C5: variants seen among roughly 807,000 people sequenced by gnomAD.
C5 encodes the protein complement C5.
In C5, 140 loss-of-function variants were observed where a neutral mutation model predicts 218.8. The observed-to-expected ratio is 0.64, with a 90% confidence interval of 0.56 to 0.74. The LOEUF is 0.74. C5 is among the 30% of genes least tolerant of loss of function. C5 has a pLI of 0.00. For synonymous variants in C5, 614 were observed against 682.3 expected (o/e 0.90, Z 1.56); for missense variants, 1,700 against 1,969.6 (o/e 0.86, Z 2.59).
At position 121,021,621 on chromosome 9, in the gene C5, A is replaced by G. The variant is rs759245107; in HGVS notation, c.1190T>C (p.Val397Ala). The change falls in exon 11 of 41, where the codon GTA becomes GCA. Residue 397 changes from valine (V) to alanine (A), a missense_variant. By Grantham distance (64) the Val-to-Ala change is moderately conservative. Coordinates refer to ENST00000223642, the MANE Select transcript of C5 (RefSeq NM_001735.3). The part of the protein sequence containing the change: ...PVTLNAQTID[V>A]NQETSDLDPS... ...ATCCAAGTCAGATGTCTCTTGGTTT[A>G]CATCAATTGTTTGTGCATTCAGTGT... The G allele has an allele frequency of 2.0e-5, 32 of 1,613,756 alleles. No individual in the cohort carries two copies. Among genetic ancestry groups the G allele is most frequent in the Non-Finnish European group, 1.9e-5 (23 of 1,179,788 alleles).
At chr9:121,062,126 TC>T in the C5 span, among the ~76,000 whole-genome samples, 10 of 152,200 alleles carry the variant, frequency 6.6e-5, no homozygotes, top group South Asian at 2.1e-3. Flanking sequence ...AAGTTCCTGT[TC>T]CAATGGAGAA....
chr9:120,976,967 C>A, intron 28 of C5, 62 bp from the exon 29 acceptor site: 1 of 1,434,392 alleles, frequency 7.0e-7, no homozygotes, highest in South Asian at 1.2e-5. Context: ...CATAATAATT[C>A]TACCAGGTGT....
the C5 span, among the ~76,000 whole-genome samples, chr9:121,070,174 A>G: frequency 6.6e-6 from 1 of 151,868 alleles, no homozygotes; most frequent in African/African-American, 2.4e-5. Flanking sequence ...CCTGACCAAC[A>G]TGGAGAAACC....
the C5 span, among the ~76,000 whole-genome samples, chr9:121,073,688 A>AT: frequency 6.6e-6 from 1 of 151,606 alleles, no homozygotes; most frequent in East Asian, 1.9e-4. Flanking sequence ...TAATTTTTGT[A>AT]TTTTTAGTAG....
intron 25 of C5, among the ~76,000 whole-genome samples, chr9:120,984,789 T>C (rs1361681254): frequency 1.4e-5 from 2 of 145,112 alleles, no homozygotes; most frequent in Non-Finnish European, 3.0e-5. Context: ...TGGCGCAATC[T>C]TGGCTCACTA....
At chr9:121,038,924 CTGCTTTT>C (rs1224806966) in intron 3 of C5, among the ~76,000 whole-genome samples, 9 of 152,314 alleles carry the variant, frequency 5.9e-5, no homozygotes, top group African/African-American at 1.7e-4. Flanking sequence ...ATCCTATCTC[CTGCTTTT>C]TGGGACACAC....
intron 29 of C5, among the ~76,000 whole-genome samples, chr9:120,975,643 C>A (rs980155582): frequency 3.3e-5 from 5 of 152,196 alleles, no homozygotes; most frequent in Admixed American, 2.6e-4. Context: ...CCCACCAACC[C>A]TCCACTCTGC....
At chr9:121,033,587 T>C (rs1429619515) in intron 5 of C5, among the ~76,000 whole-genome samples, 1 of 152,254 alleles carries the variant, frequency 6.6e-6, no homozygotes, top group Non-Finnish European at 1.5e-5. Flanking sequence ...TGGCACAAGA[T>C]GAAGTTGGAG....
intron 2 of C5, 77 bp from the exon 3 acceptor site, chr9:121,043,243 T>C: frequency 8.9e-7 from 1 of 1,123,150 alleles, no homozygotes; most frequent in Non-Finnish European, 1.3e-6. Context: ...AATACAACTG[T>C]AATCTCATTA....
Position 120,952,623 on chromosome 9 carries a change from TG to T in C5, c.*115del. 1 of 1,013,450 alleles carries T rather than the reference TG, an allele frequency of 9.9e-7. No individual in the cohort carries two copies. Among genetic ancestry groups the T allele is most frequent in the South Asian group, 1.4e-5 (1 of 72,724 alleles). The allele number at this position is 1,013,450 out of a possible 1,614,324, so 62.8% of individuals were successfully genotyped here. ...CAAGTGCCACTAATTCTAAGTAAAG[TG>T]AGCTTTACAAATAAGACCAGCTATG... On this transcript the variant is annotated 3_prime_UTR_variant, in exon 41 of 41. Transcript: ENST00000223642.
At chr9:121,072,955 T>G in the C5 span, among the ~76,000 whole-genome samples, 1 of 152,154 alleles carries the variant, frequency 6.6e-6, no homozygotes, top group Non-Finnish European at 1.5e-5. Context: ...CACCATTCAC[T>G]TAAATGTCAA....
chr9:121,005,888 C>T, intron 20 of C5, 31 bp downstream of exon 20: 1 of 1,608,938 alleles, frequency 6.2e-7, no homozygotes, highest in Non-Finnish European at 8.5e-7. Context: ...AGAATGTTTC[C>T]TTTATCCCAT....
At chr9:121,025,335 G>T in intron 9 of C5, 119 bp downstream of exon 9, 1 of 1,147,104 alleles carries the variant, frequency 8.7e-7, no homozygotes, top group Non-Finnish European at 1.2e-6. Flanking sequence ...AACTATGAAA[G>T]AAAATACAAT....
the C5 span, among the ~76,000 whole-genome samples, chr9:121,066,965 G>A: frequency 3.3e-5 from 5 of 151,944 alleles, no homozygotes; most frequent in Non-Finnish European, 7.4e-5. Flanking sequence ...AACAGTTTGG[G>A]TATAAAATGA....
intron 12 of C5, among the ~76,000 whole-genome samples, chr9:121,018,797 G>A (rs1000998870): frequency 1.3e-5 from 2 of 149,294 alleles, no homozygotes; most frequent in African/African-American, 5.0e-5. Flanking sequence ...AAGGAAGGAA[G>A]GAAGAAAGAG....
upstream of C5, among the ~76,000 whole-genome samples, chr9:121,050,565 C>T (rs2047664431): frequency 6.6e-6 from 1 of 152,180 alleles, no homozygotes. Context: ...CCTTTCTTCT[C>T]TTGCCCAGGG....
At chr9:121,015,910 G>A (rs537335087) in intron 15 of C5, among the ~76,000 whole-genome samples, 4 of 152,314 alleles carry the variant, frequency 2.6e-5, no homozygotes, top group African/African-American at 7.2e-5. Flanking sequence ...CCAGGCTAAT[G>A]AAGGGGAAAC....
intron 22 of C5, 111 bp from the exon 23 acceptor site, chr9:120,991,391 T>A: frequency 4.3e-6 from 3 of 700,360 alleles, no homozygotes; most frequent in Non-Finnish European, 7.6e-6. Context: ...AGACTTATAA[T>A]TAGACTATTA....
chr9:121,072,933 G>T, the C5 span, among the ~76,000 whole-genome samples: 1 of 152,080 alleles, frequency 6.6e-6, no homozygotes, highest in Non-Finnish European at 1.5e-5. Flanking sequence ...TAAATAGTTG[G>T]GGAGAGGACA....
Sources: allele counts gnomAD v4.1 joint callset (sites outside exome capture counted in the v4.1 genomes callset), GRCh38; gene constraint gnomAD v4.1.1; transcripts MANE v1.5; gene names NCBI Gene and HGNC (gene_info 2026-07-23, HGNC 2026-07-21).